Variants in RRAS2 observed in about 807,000 individuals in gnomAD.
The protein encoded by RRAS2 is RAS related 2, also known as ras-related protein R-Ras2.
A neutral mutation model predicts 27.6 loss-of-function variants in RRAS2; 7 were observed. That is an observed-to-expected ratio of 0.25 (90% CI 0.14 to 0.48). RRAS2 has a LOEUF of 0.48. Among genes scored for constraint, RRAS2 ranks in the 20% least tolerant of loss-of-function variants. The pLI, the probability that RRAS2 is intolerant of heterozygous loss-of-function variation, is 0.99. For missense variants in RRAS2, 178 were observed against 256.2 expected (o/e 0.69, Z 2.08); for synonymous variants, 86 against 90.9 (o/e 0.95, Z 0.31).
intron 4 of RRAS2, among the ~76,000 whole-genome samples, chr11:14,291,838 G>A (rs782217696): frequency 3.9e-4 from 59 of 152,100 alleles, no homozygotes; most frequent in Non-Finnish European, 3.2e-4. Flanking sequence ...TATCCAAAAT[G>A]CATGGGACCA....
chr11:14,307,299 C>CT (rs1847855128), intron 1 of RRAS2, among the ~76,000 whole-genome samples: 1 of 151,796 alleles, frequency 6.6e-6, no homozygotes, highest in Non-Finnish European at 1.5e-5. Context: ...CATGACATGC[C>CT]TTTGACTATG....
At chr11:14,350,712 C>CAAA (rs879963796) in intron 1 of RRAS2, among the ~76,000 whole-genome samples, 1 of 148,574 alleles carries the variant, frequency 6.7e-6, no homozygotes, top group Admixed American at 6.7e-5. Flanking sequence ...AAAAAAATTG[C>CAAA]AAAAAAAAAA....
intron 4 of RRAS2, among the ~76,000 whole-genome samples, chr11:14,292,437 C>A (rs540964914): frequency 6.6e-6 from 1 of 152,172 alleles, no homozygotes; most frequent in East Asian, 1.9e-4. Flanking sequence ...TCCTTCAATG[C>A]ACATCTACTT....
At chr11:14,335,285 C>T (rs928579319) in intron 1 of RRAS2, among the ~76,000 whole-genome samples, 8 of 152,192 alleles carry the variant, frequency 5.3e-5, no homozygotes, top group Non-Finnish European at 1.0e-4. Flanking sequence ...TCTACACCAA[C>T]TAGCTTCAAA....
At chr11:14,338,887 A>T (rs561135870) in intron 1 of RRAS2, among the ~76,000 whole-genome samples, 1 of 152,218 alleles carries the variant, frequency 6.6e-6, no homozygotes, top group Admixed American at 6.5e-5. Context: ...TGATGGGGAA[A>T]CGGTTTTTCA....
At chr11:14,359,948 T>G (rs989595712), upstream of RRAS2, among the ~76,000 whole-genome samples, 1 of 152,194 alleles carries the variant, frequency 6.6e-6, no homozygotes, top group African/African-American at 2.4e-5. Flanking sequence ...ACAGCAATCT[T>G]GGAACATGAC....
intron 4 of RRAS2, among the ~76,000 whole-genome samples, chr11:14,293,124 A>AATACATATATAT (rs1554946031): frequency 3.9e-5 from 3 of 76,822 alleles, no homozygotes; most frequent in African/African-American, 1.9e-4. Flanking sequence ...AAACAAAACA[A>AATACATATATAT]ATATATATAT....
intron 1 of RRAS2, among the ~76,000 whole-genome samples, chr11:14,311,144 T>C (rs1847954353): frequency 6.6e-6 from 1 of 152,016 alleles, no homozygotes; most frequent in Non-Finnish European, 1.5e-5. Context: ...AGCTAGGAGT[T>C]TGAGACCAGC....
In RRAS2 at chr11:14,358,376, A is replaced by T; in HGVS notation, c.108+387T>A. On this transcript the variant is annotated intron_variant, in intron 1 of 5. Coordinates refer to ENST00000256196, the MANE Select transcript of RRAS2 (RefSeq NM_012250.6). The surrounding 1 kb of genome is among the most constrained non-coding windows in gnomAD (Gnocchi z 5.1). ...AGGCGCGGCCGCAGGCGGCTGGAAA[A>T]GCAGCGCGCGGGGCTCCAGCTCCAG... The T allele has an allele frequency of 6.1e-6, 6 of 985,434 alleles. No homozygotes were observed. The highest frequency in any genetic ancestry group is 7.2e-6 in the Non-Finnish European group (6 of 830,002). The allele number at this position is 985,434 out of a possible 1,614,324, so 61.0% of individuals were successfully genotyped here. A position where few individuals can be genotyped will look rare whatever the true frequency, so the allele number is the denominator to read the frequency against.
chr11:14,281,130 G>A (rs1190260692), intron 5 of RRAS2, among the ~76,000 whole-genome samples: 1 of 152,176 alleles, frequency 6.6e-6, no homozygotes, highest in Admixed American at 6.5e-5. Flanking sequence ...CACAGGCTCT[G>A]GAATCAGAGG....
intron 1 of RRAS2, among the ~76,000 whole-genome samples, chr11:14,354,966 C>G (rs1849042184): frequency 6.6e-6 from 1 of 152,024 alleles, no homozygotes; most frequent in Admixed American, 6.6e-5. Flanking sequence ...TGTGAGCCAC[C>G]ACGCCCAGCC....
chr11:14,308,069 C>A, intron 1 of RRAS2: 2 of 285,068 alleles, frequency 7.0e-6, no homozygotes, highest in Non-Finnish European at 1.4e-5. Context: ...TGAATATAAC[C>A]ATTAAAAAAA....
intron 1 of RRAS2, 77 bp from the exon 2 acceptor site, chr11:14,295,932 G>T: frequency 7.6e-7 from 1 of 1,317,974 alleles, no homozygotes; most frequent in Non-Finnish European, 1.1e-6. Context: ...CTATGCTCTG[G>T]GAGGCCGAGG....
chr11:14,361,218 C>G (rs573561760), upstream of RRAS2, among the ~76,000 whole-genome samples: 1 of 152,066 alleles, frequency 6.6e-6, no homozygotes, highest in African/African-American at 2.4e-5. Context: ...ACGCTGGAAG[C>G]GGAAGTTACA....
At chr11:14,308,012 T>A (rs1289630856) in intron 1 of RRAS2, among the ~76,000 whole-genome samples, 1 of 152,168 alleles carries the variant, frequency 6.6e-6, no homozygotes, top group African/African-American at 2.4e-5. Flanking sequence ...GCAAGGACAA[T>A]GTCATTCAGC....
At chr11:14,319,118 T>A (rs1034014016) in intron 1 of RRAS2, among the ~76,000 whole-genome samples, 3 of 152,168 alleles carry the variant, frequency 2.0e-5, no homozygotes, top group Non-Finnish European at 4.4e-5. Context: ...AATTACATCA[T>A]TACAATGAGA....
At chr11:14,324,021 A>G (rs1848288594) in intron 1 of RRAS2, among the ~76,000 whole-genome samples, 1 of 151,906 alleles carries the variant, frequency 6.6e-6, no homozygotes, top group African/African-American at 2.4e-5. Context: ...TTTTACAGTG[A>G]AACTCATTAA....
upstream of RRAS2, among the ~76,000 whole-genome samples, chr11:14,362,184 T>A (rs1428689433): frequency 6.6e-6 from 1 of 152,176 alleles, no homozygotes; most frequent in Admixed American, 6.5e-5. Context: ...ACTAAAAACA[T>A]TGGATTGTAT....
chr11:14,281,384 G>A (rs1849531719), intron 5 of RRAS2, among the ~76,000 whole-genome samples: 1 of 152,078 alleles, frequency 6.6e-6, no homozygotes, highest in Non-Finnish European at 1.5e-5. Context: ...ACCCCCTTTG[G>A]AAGCAGCATT....
Sources: gnomAD v4.1 joint callset for allele counts (sites outside exome capture counted in the v4.1 genomes callset) on GRCh38, gnomAD v4.1.1 for gene constraint, Gnocchi (gnomAD v3.1) non-coding constraint, MANE v1.5 for transcripts, NCBI Gene and HGNC (gene_info 2026-07-23, HGNC 2026-07-21) for gene names.